The following AMMECR1 variants were observed in gnomAD, a reference collection of about 807,000 sequenced individuals.
AMMECR1 encodes AMMECR nuclear protein 1.
AMMECR1 carries 3 observed loss-of-function variants against 22.5 expected under a neutral mutation model. The ratio of observed to expected loss-of-function variants is 0.13; its 90% CI spans 0.06 to 0.35. The LOEUF is 0.35. Ranked by LOEUF, AMMECR1 falls within the 10% of genes least tolerant of loss-of-function variation. AMMECR1 has a pLI of 1.00. For missense variants in AMMECR1, 235 were observed against 278.7 expected (o/e 0.84, Z 1.12); for synonymous variants, 130 against 116.7 (o/e 1.11, Z -0.74).
At chrX:110,269,115 C>T (rs1288087181) in intron 1 of AMMECR1, among the ~76,000 whole-genome samples, 1 of 111,810 alleles carries the variant, frequency 8.9e-6, no homozygotes, top group Non-Finnish European at 1.9e-5. Flanking sequence ...TCCCTGCCAA[C>T]TAGCAGCCAA....
At chrX:110,391,782 A>G (rs1222015301) in intron 2 of AMMECR1, among the ~76,000 whole-genome samples, 2 of 112,518 alleles carry the variant, frequency 1.8e-5, no homozygotes, top group Non-Finnish European at 3.8e-5. Context: ...GATGTTGGCA[A>G]GTAGTACTTG....
intron 2 of AMMECR1, among the ~76,000 whole-genome samples, chrX:110,410,431 C>T (rs181267698): frequency 0.011 from 1,193 of 112,073 alleles, 6 homozygotes; most frequent in African/African-American, 0.022. Context: ...ATATCTTTGA[C>T]GATGTCTATC....
chrX:110,373,927 G>C (rs1417271568), intron 2 of AMMECR1, among the ~76,000 whole-genome samples: 1 of 111,502 alleles, frequency 9.0e-6, no homozygotes, highest in Middle Eastern at 4.6e-3. Context: ...TGAGTGAAGA[G>C]AGAACAAATG....
At chrX:110,422,913 A>C (rs1244674022) in intron 2 of AMMECR1, among the ~76,000 whole-genome samples, 1 of 112,664 alleles carries the variant, frequency 8.9e-6, no homozygotes, top group Non-Finnish European at 1.9e-5. Flanking sequence ...TTCTCAGTGC[A>C]TGTCCAAACA....
At chrX:110,429,390 T>A (rs932708498) in intron 1 of AMMECR1, among the ~76,000 whole-genome samples, 7 of 111,418 alleles carry the variant, frequency 6.3e-5, no homozygotes, top group Non-Finnish European at 1.3e-4. Flanking sequence ...TTATTAGCTA[T>A]GCAACATTGA....
At chrX:110,268,105 TG>T (rs1274637609) in intron 1 of AMMECR1, among the ~76,000 whole-genome samples, 1 of 112,334 alleles carries the variant, frequency 8.9e-6, no homozygotes. Context: ...TAACTTGCTA[TG>T]GGCTCTTTCA....
intron 2 of AMMECR1, among the ~76,000 whole-genome samples, chrX:110,242,906 C>T (rs1428822963): frequency 8.9e-6 from 1 of 112,216 alleles, no homozygotes; most frequent in African/African-American, 3.2e-5. Context: ...CTACTCAATG[C>T]TAGGCTATTA....
In AMMECR1 at chrX:110,416,499, C is replaced by T. The variant is rs184944576; in HGVS notation, c.-148+10159G>A. Among the ~76,000 whole-genome samples, 194 of 110,644 alleles carry T rather than the reference C, an allele frequency of 1.8e-3. 1 individual carries two copies. Among genetic ancestry groups the T allele is most frequent in the African/African-American group, 6.0e-3 (183 of 30,349 alleles). On this transcript the variant is annotated intron_variant, in intron 2 of 7. Transcript: ENST00000372057. ...GCACAGGGGTGTTGAATCACTTGCC[C>T]GGGGTCACTCAGGCTAGCATGTGAC...
At chrX:110,272,024 G>GCT (rs1179809327) in intron 1 of AMMECR1, among the ~76,000 whole-genome samples, 13 of 110,157 alleles carry the variant, frequency 1.2e-4, no homozygotes, top group African/African-American at 4.3e-4. Context: ...GACCATCCTG[G>GCT]CTAACATGGT....
chrX:110,214,001 C>T (rs982544143), intron 3 of AMMECR1, among the ~76,000 whole-genome samples: 3 of 110,708 alleles, frequency 2.7e-5, no homozygotes, highest in South Asian at 3.8e-4. Context: ...CGGTGGCTCA[C>T]GCCTGTAATC....
At chrX:110,397,632 G>A (rs376708277) in intron 2 of AMMECR1, among the ~76,000 whole-genome samples, 2 of 111,043 alleles carry the variant, frequency 1.8e-5, no homozygotes, top group African/African-American at 6.6e-5. Context: ...ATGAAGCAGA[G>A]GGGGAGGGAG....
chrX:110,218,752 A>T (rs1386926004), intron 2 of AMMECR1, among the ~76,000 whole-genome samples: 2 of 110,397 alleles, frequency 1.8e-5, no homozygotes, highest in Non-Finnish European at 3.8e-5. Flanking sequence ...ATATTAGAAC[A>T]TTTTCATCAT....
intron 2 of AMMECR1, among the ~76,000 whole-genome samples, chrX:110,418,228 C>T (rs1240641208): frequency 8.9e-6 from 1 of 112,370 alleles, no homozygotes; most frequent in Admixed American, 9.4e-5. Flanking sequence ...GATGGTCTAA[C>T]ACATTTTTGT....
In AMMECR1 at chrX:110,396,589, T is replaced by G. The variant is rs746263726; in HGVS notation, c.-148+30069A>C. 3.7e-3 allele frequency among the ~76,000 whole-genome samples: 420 copies of G among 112,060 alleles called. 1 individual carries two copies. The highest frequency in any genetic ancestry group is 6.5e-3 in the Non-Finnish European group (345 of 53,220). ...CACCTCCTCAGAGCTGGAATTACAGTTTGATGTGTATTGGGTACTCACAAT... is the reference window on the plus strand; with the variant it reads ...CACCTCCTCAGAGCTGGAATTACAGGTTGATGTGTATTGGGTACTCACAAT... On this transcript the variant is annotated intron_variant, in intron 2 of 7. Transcript: ENST00000372057.
At chrX:110,237,867 C>T (rs2067609713) in intron 2 of AMMECR1, among the ~76,000 whole-genome samples, 1 of 112,353 alleles carries the variant, frequency 8.9e-6, no homozygotes, top group Non-Finnish European at 1.9e-5. Flanking sequence ...TTAATTTGAA[C>T]TCTACTATTT....
At chrX:110,400,106 C>T (rs2068554139) in intron 2 of AMMECR1, among the ~76,000 whole-genome samples, 1 of 109,623 alleles carries the variant, frequency 9.1e-6, no homozygotes, top group Non-Finnish European at 1.9e-5. Flanking sequence ...CCCTGACATT[C>T]TACTGAATAG....
At chrX:110,311,715 T>C (rs946567340) in intron 1 of AMMECR1, among the ~76,000 whole-genome samples, 1 of 112,176 alleles carries the variant, frequency 8.9e-6, no homozygotes, top group African/African-American at 3.2e-5. Context: ...CTTCTTCCTT[T>C]GGGTTATTTT....
chrX:110,432,072 G>A (rs1259634127), intron 1 of AMMECR1, among the ~76,000 whole-genome samples: 1 of 112,007 alleles, frequency 8.9e-6, no homozygotes, highest in Non-Finnish European at 1.9e-5. Flanking sequence ...TGAGCTTTAT[G>A]GCAGATGCTG....
chrX:110,233,317 C>G (rs1233054052), intron 2 of AMMECR1, among the ~76,000 whole-genome samples: 1 of 111,729 alleles, frequency 9.0e-6, no homozygotes, highest in African/African-American at 3.3e-5. Flanking sequence ...CAATAACAGG[C>G]TCTGAAATTG....
Sources: allele counts gnomAD v4.1 joint callset (sites outside exome capture counted in the v4.1 genomes callset), GRCh38; gene constraint gnomAD v4.1.1; transcripts MANE v1.5; gene names NCBI Gene and HGNC (gene_info 2026-07-23, HGNC 2026-07-21).